The following VPS41 variants were observed in gnomAD, a reference collection of about 807,000 sequenced individuals.
VPS41 encodes vacuolar protein sorting-associated protein 41 homolog.
In VPS41, 85 loss-of-function variants were observed where a neutral mutation model predicts 130.9. That is an observed-to-expected ratio of 0.65 (90% CI 0.55 to 0.78). The LOEUF is 0.78. Ranked by LOEUF, VPS41 falls within the 30% of genes least tolerant of loss-of-function variation. The probability of loss-of-function intolerance (pLI) is 0.00; values close to 1 mark genes in which losing one functional copy is unlikely to be tolerated. For synonymous variants in VPS41, 335 were observed against 332.9 expected (o/e 1.01, Z -0.07); for missense variants, 874 against 1,018.7 (o/e 0.86, Z 1.93).
chr7:38,809,566 T>C (rs1479949792), intron 7 of VPS41, among the ~76,000 whole-genome samples: 2 of 152,178 alleles, frequency 1.3e-5, no homozygotes, highest in Non-Finnish European at 2.9e-5. Context: ...TGCAGACCAC[T>C]GCTGGAAGCT....
chr7:38,800,417 T>A (rs923151511), intron 7 of VPS41, among the ~76,000 whole-genome samples: 3 of 152,236 alleles, frequency 2.0e-5, no homozygotes, highest in Admixed American at 6.5e-5. Context: ...TTATAATTAT[T>A]CTGCACTAAA....
At chr7:38,894,175 A>T (rs1008711824) in intron 2 of VPS41, among the ~76,000 whole-genome samples, 1 of 152,216 alleles carries the variant, frequency 6.6e-6, no homozygotes, top group Non-Finnish European at 1.5e-5. Flanking sequence ...GAGATGATAG[A>T]GAACGAAGAG....
chr7:38,841,852 C>A (rs1276569634), intron 4 of VPS41, among the ~76,000 whole-genome samples: 1 of 152,218 alleles, frequency 6.6e-6, no homozygotes, highest in Non-Finnish European at 1.5e-5. Context: ...GATCCACCCA[C>A]CTTGGCCTCC....
chr7:38,767,724 T>G (rs1784076442), intron 14 of VPS41, 126 bp from the exon 15 acceptor site: 1 of 489,320 alleles, frequency 2.0e-6, no homozygotes, highest in Non-Finnish European at 3.6e-6. Context: ...CTGTTTATAC[T>G]CTTAGCTTGC....
intron 7 of VPS41, among the ~76,000 whole-genome samples, chr7:38,816,880 G>C (rs1422241172): frequency 6.6e-6 from 1 of 152,102 alleles, no homozygotes; most frequent in Non-Finnish European, 1.5e-5. Context: ...TCAATAGCTA[G>C]GACTAGAGGC....
chr7:38,809,326 T>C (rs1784896891), intron 7 of VPS41, among the ~76,000 whole-genome samples: 1 of 147,718 alleles, frequency 6.8e-6, no homozygotes, highest in African/African-American at 2.5e-5. Context: ...CTACTAAAAA[T>C]ACAAAAATAT....
At chr7:38,833,629 A>G (rs1785435550) in intron 4 of VPS41, among the ~76,000 whole-genome samples, 1 of 152,132 alleles carries the variant, frequency 6.6e-6, no homozygotes, top group Admixed American at 6.6e-5. Context: ...TTACCCAAAC[A>G]TTTCATAACT....
chr7:38,822,947 T>C (rs143577997), intron 5 of VPS41, among the ~76,000 whole-genome samples: 5 of 152,286 alleles, frequency 3.3e-5, no homozygotes, highest in Non-Finnish European at 7.4e-5. Flanking sequence ...TTTCCCAACA[T>C]TGGAATGTGT....
At chr7:38,839,651 G>C (rs767255581) in intron 4 of VPS41, among the ~76,000 whole-genome samples, 8 of 151,900 alleles carry the variant, frequency 5.3e-5, no homozygotes, top group Non-Finnish European at 1.2e-4. Context: ...GGCTGGTCTC[G>C]AACTCCTGAC....
intron 5 of VPS41, among the ~76,000 whole-genome samples, chr7:38,828,107 A>C (rs1421800771): frequency 1.3e-5 from 2 of 152,208 alleles, no homozygotes; most frequent in South Asian, 2.1e-4. Flanking sequence ...AATTTTGAGA[A>C]AAAATATTCC....
Position 38,758,451 on chromosome 7 carries a change from C to T in VPS41, c.1453G>A (p.Gly485Arg). Residue 485 changes from glycine (G) to arginine (R), a missense_variant, in exon 18 of 29, where the codon GGA (glycine) becomes AGA (arginine). Physicochemically the swap from Gly to Arg is moderately radical, Grantham distance 125 (BLOSUM62 -2). Coordinates refer to ENST00000310301, the MANE Select transcript of VPS41 (RefSeq NM_014396.4). The stretch of plus-strand genomic sequence containing the variant: ...ATGACTGAATTATTATACAGATCTC[C>T]AGGCCATTCTCGGATCAATGTGGCA... ...GFATLIREWP[G>R]DLYNNSVIVQ... is the part of the protein sequence containing the mutation. The T allele has an allele frequency of 6.2e-7, 1 of 1,613,124 alleles. No homozygotes were observed. The highest frequency in any genetic ancestry group is 8.5e-7 in the Non-Finnish European group (1 of 1,179,650).
chr7:38,814,247 A>G (rs191289178), intron 7 of VPS41, among the ~76,000 whole-genome samples: 16 of 152,364 alleles, frequency 1.1e-4, no homozygotes, highest in African/African-American at 3.6e-4. Flanking sequence ...CAGACATCCT[A>G]CAGGGAGACA....
chr7:38,825,013 G>T (rs1462767908), intron 5 of VPS41, among the ~76,000 whole-genome samples: 1 of 152,106 alleles, frequency 6.6e-6, no homozygotes, highest in Non-Finnish European at 1.5e-5. Context: ...CATATTGAAG[G>T]CATAAGAGTA....
In VPS41 at chr7:38,728,728, T is replaced by C. The variant is rs748659785; in HGVS notation, c.2323A>G (p.Met775Val). ...VADSLSLLKK[M>V]HRTQMKGVLV... ...ACACCTTTCATTTGAGTTCGGTGCA[T>C]TTTCTTCAGTAAGGACAAAGAGTCA... The change falls in exon 26 of 29, where the codon ATG becomes GTG. Residue 775 changes from methionine (M) to valine (V), a missense_variant. Coordinates refer to ENST00000310301, the MANE Select transcript of VPS41 (RefSeq NM_014396.4). 3.7e-6 allele frequency: 6 copies of C among 1,614,178 alleles called. No individual in the cohort carries two copies. The highest frequency in any genetic ancestry group is 5.1e-6 in the Non-Finnish European group (6 of 1,180,028).
chr7:38,791,364 T>C (rs989444257), intron 9 of VPS41, among the ~76,000 whole-genome samples: 11 of 152,194 alleles, frequency 7.2e-5, no homozygotes, highest in African/African-American at 2.2e-4. Flanking sequence ...TGAAGTATAA[T>C]AAAAAAGCAA....
intron 10 of VPS41, among the ~76,000 whole-genome samples, chr7:38,789,530 G>C (rs1784496501): frequency 6.6e-6 from 1 of 152,080 alleles, no homozygotes; most frequent in African/African-American, 2.4e-5. Context: ...GTGGGTAGGG[G>C]CCAACACAGA....
At chr7:38,833,372 T>G in intron 4 of VPS41, among the ~76,000 whole-genome samples, 1 of 152,200 alleles carries the variant, frequency 6.6e-6, no homozygotes, top group South Asian at 2.1e-4. Flanking sequence ...TCTCAAGAAA[T>G]AAGCCAAGAT....
chr7:38,774,844 G>A (rs571466157), intron 11 of VPS41, among the ~76,000 whole-genome samples: 3 of 152,148 alleles, frequency 2.0e-5, no homozygotes, highest in South Asian at 4.2e-4. Context: ...TAACACACAT[G>A]TGCTTTATCA....
rs1783757847 is a variant in VPS41, at chr7:38,754,886, G to C, written c.1737+9C>G. ...TCTGGTAACACATATAAAAACAAAT[G>C]ACACTCACTGAAATTTTATCTTCAT... is the stretch of plus-strand genomic sequence containing the variant. On this transcript the variant is annotated intron_variant, in intron 20 of 28. Transcript: ENST00000310301. 6.2e-7 allele frequency: 1 copy of C among 1,613,048 alleles called. No individual in the cohort carries two copies. Among genetic ancestry groups the C allele is most frequent in the Non-Finnish European group, 8.5e-7 (1 of 1,179,300 alleles).
Sources: allele counts gnomAD v4.1 joint callset (sites outside exome capture counted in the v4.1 genomes callset), GRCh38; gene constraint gnomAD v4.1.1; transcripts MANE v1.5; gene names NCBI Gene and HGNC (gene_info 2026-07-23, HGNC 2026-07-21).